Variants in NDUFAF6 observed in about 807,000 individuals in gnomAD.
NDUFAF6 encodes the protein NADH:ubiquinone oxidoreductase complex assembly factor 6.
NDUFAF6 carries 45 observed loss-of-function variants against 40.8 expected under a neutral mutation model. That is an observed-to-expected ratio of 1.10 (90% CI 0.87 to 1.42). The LOEUF is 1.42. Among genes scored for constraint, NDUFAF6 ranks in the 40% most tolerant of loss-of-function variants. The pLI, the probability that NDUFAF6 is intolerant of heterozygous loss-of-function variation, is 0.00. For synonymous variants in NDUFAF6, 185 were observed against 155.9 expected, an observed-to-expected ratio of 1.19 and a Z score of -1.39; for missense variants, 435 against 418.5, an observed-to-expected ratio of 1.04 and a Z score of -0.34.
intron 2 of NDUFAF6, 110 bp downstream of exon 2, chr8:95,032,204 G>A (rs945969884): frequency 1.1e-6 from 1 of 908,698 alleles, no homozygotes; most frequent in African/African-American, 1.6e-5. Context: ...TGTGTTTAAG[G>A]TCTCTGCTAG....
downstream of NDUFAF6, among the ~76,000 whole-genome samples, chr8:95,117,978 G>A (rs1054512512): frequency 5.3e-5 from 8 of 152,118 alleles, no homozygotes; most frequent in South Asian, 2.1e-4. Context: ...ATTCTGTGTC[G>A]GCTGACTGGG....
chr8:95,006,710 T>C (rs1260319152), intron 2 of NDUFAF6, among the ~76,000 whole-genome samples: 4 of 151,896 alleles, frequency 2.6e-5, no homozygotes, highest in Non-Finnish European at 5.9e-5. Flanking sequence ...TGAAACTCCG[T>C]CTCTACAAAA....
At chr8:94,908,856 T>G (rs992136391) in intron 1 of NDUFAF6, among the ~76,000 whole-genome samples, 1 of 152,186 alleles carries the variant, frequency 6.6e-6, no homozygotes, top group Admixed American at 6.5e-5. Context: ...AACCCAAGCC[T>G]TGACTCCTAA....
chr8:94,998,731 G>T (rs1331608697), intron 2 of NDUFAF6, among the ~76,000 whole-genome samples: 2 of 152,206 alleles, frequency 1.3e-5, no homozygotes, highest in Admixed American at 6.5e-5. Context: ...GTGGATGCAC[G>T]CAGGAGGGTG....
chr8:95,033,825 A>G (rs777011600), intron 2 of NDUFAF6, among the ~76,000 whole-genome samples: 8 of 152,148 alleles, frequency 5.3e-5, no homozygotes, highest in Non-Finnish European at 1.0e-4. Context: ...CTTAAAGAAC[A>G]GAAGAAGGCA....
At chr8:95,043,971 C>T (rs1319408765) in intron 4 of NDUFAF6, among the ~76,000 whole-genome samples, 1 of 151,716 alleles carries the variant, frequency 6.6e-6, no homozygotes. Flanking sequence ...CATGAAAGCC[C>T]GAAAGTAGAA....
chr8:94,968,275 G>A (rs139009763), intron 1 of NDUFAF6, among the ~76,000 whole-genome samples: 2 of 152,200 alleles, frequency 1.3e-5, no homozygotes, highest in African/African-American at 4.8e-5. Context: ...TGAATACCAG[G>A]AAGTTCAGAT....
rs565330819 is a variant in NDUFAF6 at position 94,998,946 on chromosome 8, A to G, written c.-84+17973A>G. Among the ~76,000 whole-genome samples the G allele has an allele frequency of 1.0e-2, 1,515 of 151,878 alleles. 27 individuals are homozygous for G. The highest frequency in any genetic ancestry group is 0.035 in the African/African-American group (1,446 of 41,392). ...GAGAGCAGGGTGTGTGTGTGTGTGT[A>G]TGAAATTAGATCAGTGGTTTTCAAA... On this transcript the variant is annotated intron_variant, in intron 2 of 9. Transcript: ENST00000396111.
At chr8:94,923,120 G>A (rs1439456142) in intron 1 of NDUFAF6, among the ~76,000 whole-genome samples, 2 of 152,136 alleles carry the variant, frequency 1.3e-5, no homozygotes, top group Non-Finnish European at 2.9e-5. Flanking sequence ...GGCCAAAATC[G>A]TGCAGATGGG....
chr8:94,931,934 T>C (rs1308488817), intron 1 of NDUFAF6: 6 of 780,054 alleles, frequency 7.7e-6, no homozygotes, highest in Non-Finnish European at 1.2e-5. Context: ...ATCACACCAT[T>C]GCACTCCAGC....
intron 2 of NDUFAF6, among the ~76,000 whole-genome samples, chr8:95,002,226 G>C (rs1348954829): frequency 6.6e-6 from 1 of 152,126 alleles, no homozygotes; most frequent in Non-Finnish European, 1.5e-5. Flanking sequence ...ATCTTTTGCT[G>C]TCAGTCTAGA....
At chr8:94,969,581 C>T (rs561693416) in intron 1 of NDUFAF6, among the ~76,000 whole-genome samples, 2 of 152,118 alleles carry the variant, frequency 1.3e-5, no homozygotes, top group East Asian at 1.9e-4. Flanking sequence ...TTCAAGGCTG[C>T]GGTGAACTGT....
At chr8:95,105,740 A>G (rs1177276216), downstream of NDUFAF6, among the ~76,000 whole-genome samples, 2 of 151,696 alleles carry the variant, frequency 1.3e-5, no homozygotes, top group Non-Finnish European at 2.9e-5. Context: ...TGATCACGTG[A>G]TCTGCCTGCC....
At chr8:94,930,806 C>T in intron 1 of NDUFAF6, 1 of 1,472,900 alleles carries the variant, frequency 6.8e-7, no homozygotes, top group Non-Finnish European at 9.2e-7. Flanking sequence ...CTTAGCAATT[C>T]AATTTGCCAC....
At chr8:95,031,950 C>A in intron 1 of NDUFAF6, 45 bp from the exon 2 acceptor site, 1 of 1,558,660 alleles carries the variant, frequency 6.4e-7, no homozygotes, top group Non-Finnish European at 8.9e-7. Flanking sequence ...TTTTGTGCAG[C>A]TTGGAAAGTG....
chr8:95,109,910 G>A (rs1363302326), intron 4 of NDUFAF6, among the ~76,000 whole-genome samples: 1 of 152,178 alleles, frequency 6.6e-6, no homozygotes, highest in Non-Finnish European at 1.5e-5. Flanking sequence ...CAAAAAAATT[G>A]TGAAGTTGTG....
chr8:95,104,682 T>C (rs935112577), downstream of NDUFAF6, among the ~76,000 whole-genome samples: 6 of 152,200 alleles, frequency 3.9e-5, no homozygotes, highest in Non-Finnish European at 8.8e-5. Flanking sequence ...CTCATCCCAC[T>C]GTAACACACT....
chr8:94,985,550 T>C (rs1756883792), intron 2 of NDUFAF6, among the ~76,000 whole-genome samples: 1 of 99,912 alleles, frequency 1.0e-5, no homozygotes, highest in African/African-American at 3.8e-5. Flanking sequence ...TTTTTTTTTT[T>C]TCTGAGACAG....
chr8:95,018,907 G>T (rs1291549004), intron 2 of NDUFAF6, among the ~76,000 whole-genome samples: 1 of 152,206 alleles, frequency 6.6e-6, no homozygotes. Context: ...TATGGCATAG[G>T]CAAGGTATTT....
Sources: gnomAD v4.1 joint callset for allele counts (sites outside exome capture counted in the v4.1 genomes callset) on GRCh38, gnomAD v4.1.1 for gene constraint, MANE v1.5 for transcripts, NCBI Gene and HGNC (gene_info 2026-07-23, HGNC 2026-07-21) for gene names.